The following MGMT variants were observed in gnomAD, a reference collection of about 807,000 sequenced individuals.
MGMT encodes O-6-methylguanine-DNA methyltransferase, also known as methylated-DNA--protein-cysteine methyltransferase.
In MGMT, 14 loss-of-function variants were observed where a neutral mutation model predicts 15.9. The observed-to-expected ratio is 0.88, with a 90% CI of 0.58 to 1.37. MGMT has a LOEUF of 1.37. Ranked by LOEUF, MGMT falls within the 40% of genes most tolerant of loss-of-function variation. The probability of loss-of-function intolerance (pLI) is 0.00; values close to 1 mark genes in which losing one functional copy is unlikely to be tolerated. For synonymous variants in MGMT, 130 were observed against 118.2 expected (o/e 1.10, Z -0.65); for missense variants, 282 against 268.1 (o/e 1.05, Z -0.36).
chr10:129,632,475 G>A (rs367947524), intron 2 of MGMT, among the ~76,000 whole-genome samples: 3 of 151,420 alleles, frequency 2.0e-5, no homozygotes, highest in African/African-American at 7.3e-5. Context: ...CCAGTACGGG[G>A]CAAAAGCACA....
At chr10:129,706,257 C>T (rs1218036654) in intron 2 of MGMT, among the ~76,000 whole-genome samples, 1 of 152,244 alleles carries the variant, frequency 6.6e-6, no homozygotes, top group Non-Finnish European at 1.5e-5. Flanking sequence ...TGCCTCCTCT[C>T]CATGGACTGG....
intron 2 of MGMT, among the ~76,000 whole-genome samples, chr10:129,584,910 T>C (rs1157189855): frequency 2.0e-5 from 3 of 152,198 alleles, no homozygotes; most frequent in Non-Finnish European, 4.4e-5. Context: ...CCTTTTGGTG[T>C]TGTGAATAAG....
chr10:129,544,397 G>A (rs1468000420), intron 2 of MGMT, among the ~76,000 whole-genome samples: 2 of 152,224 alleles, frequency 1.3e-5, no homozygotes, highest in African/African-American at 2.4e-5. Context: ...TTCAGACTGC[G>A]GCTTTCACCC....
At chr10:129,615,392 A>T (rs1017385758) in intron 2 of MGMT, among the ~76,000 whole-genome samples, 11 of 151,920 alleles carry the variant, frequency 7.2e-5, no homozygotes, top group African/African-American at 2.7e-4. Context: ...CCTCTTGGGT[A>T]GGGGTGAGGG....
chr10:129,669,711 A>G (rs1324762890), intron 2 of MGMT, among the ~76,000 whole-genome samples: 1 of 152,158 alleles, frequency 6.6e-6, no homozygotes, highest in Non-Finnish European at 1.5e-5. Context: ...CCAGAACAGT[A>G]ATTTGTGCTC....
intron 2 of MGMT, among the ~76,000 whole-genome samples, chr10:129,553,495 G>A (rs1846181065): frequency 6.6e-6 from 1 of 152,144 alleles, no homozygotes; most frequent in African/African-American, 2.4e-5. Flanking sequence ...CTGTGGGCCC[G>A]GGGGACACGT....
intron 1 of MGMT, among the ~76,000 whole-genome samples, chr10:129,521,127 A>G (rs1845805272): frequency 6.6e-6 from 1 of 152,162 alleles, no homozygotes; most frequent in Admixed American, 6.5e-5. Context: ...TTCTGATCTC[A>G]GGTGGGGATG....
chr10:129,727,724 G>A (rs921363428), intron 3 of MGMT, among the ~76,000 whole-genome samples: 2 of 152,158 alleles, frequency 1.3e-5, no homozygotes, highest in African/African-American at 2.4e-5. Flanking sequence ...AAGGTGACTC[G>A]CAGCATCCCC....
chr10:129,479,072 A>G (rs1845327506), intron 1 of MGMT, among the ~76,000 whole-genome samples: 1 of 152,220 alleles, frequency 6.6e-6, no homozygotes, highest in Non-Finnish European at 1.5e-5. Flanking sequence ...GTTCTGTGAC[A>G]GCAGTTGTAT....
At chr10:129,696,384 C>T (rs544641121) in intron 2 of MGMT, among the ~76,000 whole-genome samples, 111 of 152,312 alleles carry the variant, frequency 7.3e-4, no homozygotes, top group African/African-American at 2.6e-3. Context: ...TTCAAACCTG[C>T]AGCATTTCCA....
chr10:129,675,245 A>G (rs1031957569), intron 2 of MGMT, among the ~76,000 whole-genome samples: 25 of 152,206 alleles, frequency 1.6e-4, no homozygotes, highest in Admixed American at 6.5e-5. Flanking sequence ...GCCACGGGCA[A>G]CCAGAGGAGT....
At chr10:129,548,741 C>T (rs899947262) in intron 2 of MGMT, among the ~76,000 whole-genome samples, 15 of 151,898 alleles carry the variant, frequency 9.9e-5, no homozygotes, top group Non-Finnish European at 2.1e-4. Context: ...CTGCAGCTTT[C>T]GGGGGGGTGC....
intron 2 of MGMT, among the ~76,000 whole-genome samples, chr10:129,596,533 T>G (rs1257359373): frequency 6.6e-6 from 1 of 152,078 alleles, no homozygotes; most frequent in African/African-American, 2.4e-5. Context: ...ACCGAGGAAG[T>G]TCCTGCAAGC....
rs143227493 is a variant in MGMT, at chr10:129,756,736, G to A, written c.275-2466G>A. Among the ~76,000 whole-genome samples, 1,176 of 152,304 alleles carry A rather than the reference G, an allele frequency of 7.7e-3. 18 individuals are homozygous for A. Among genetic ancestry groups the A allele is most frequent in the African/African-American group, 0.027 (1,118 of 41,570 alleles). ...GCCCGCCTCGGCCTCCCAAAGTGCT[G>A]GGATTACAGGCGTGAGCCACCGCGC... On this transcript the variant is annotated intron_variant, in intron 3 of 4. Transcript: ENST00000651593.
chr10:129,519,094 T>A (rs933436966), intron 1 of MGMT, among the ~76,000 whole-genome samples: 7 of 152,204 alleles, frequency 4.6e-5, no homozygotes, highest in Non-Finnish European at 8.8e-5. Context: ...TGGACTACTA[T>A]AAATTATGTT....
At chr10:129,476,042 C>G (rs577441887) in intron 1 of MGMT, among the ~76,000 whole-genome samples, 11 of 152,198 alleles carry the variant, frequency 7.2e-5, no homozygotes, top group African/African-American at 2.2e-4. Context: ...CTGCCTCCCT[C>G]GGCTCTCATT....
chr10:129,572,015 G>A (rs1017031350), intron 2 of MGMT, among the ~76,000 whole-genome samples: 1 of 152,166 alleles, frequency 6.6e-6, no homozygotes, highest in South Asian at 2.1e-4. Flanking sequence ...GCATGTGAAC[G>A]TAACTGACCC....
chr10:129,544,464 G>A (rs1846078199), intron 2 of MGMT, among the ~76,000 whole-genome samples: 5 of 152,246 alleles, frequency 3.3e-5, no homozygotes, highest in Admixed American at 3.3e-4. Context: ...GGGTTTGGGT[G>A]TAGCCCCGTG....
chr10:129,661,274 G>C (rs971980156), intron 2 of MGMT, among the ~76,000 whole-genome samples: 3 of 151,560 alleles, frequency 2.0e-5, no homozygotes, highest in African/African-American at 4.9e-5. Flanking sequence ...TCTGTGCTGT[G>C]TGCAAGTATT....
Sources: allele counts gnomAD v4.1 joint callset (sites outside exome capture counted in the v4.1 genomes callset), GRCh38; gene constraint gnomAD v4.1.1; transcripts MANE v1.5; gene names NCBI Gene and HGNC (gene_info 2026-07-23, HGNC 2026-07-21).